XYLB: variants seen among roughly 807,000 people sequenced by gnomAD.
XYLB encodes xylulose kinase.
Under a neutral mutation model 78.7 loss-of-function variants are expected in XYLB, and 62 were observed. The ratio of observed to expected loss-of-function variants is 0.79; its 90% CI spans 0.64 to 0.97. The LOEUF is 0.97. Ranked by LOEUF, XYLB falls within the 50% of genes least tolerant of loss-of-function variation. XYLB has a pLI of 0.00. For synonymous variants in XYLB, 245 were observed against 247.4 expected, an observed-to-expected ratio of 0.99 and a Z score of 0.09; for missense variants, 687 against 676.8, an observed-to-expected ratio of 1.02 and a Z score of -0.17.
intron 18 of XYLB, among the ~76,000 whole-genome samples, chr3:38,404,632 C>T (rs10049137): frequency 1.8e-3 from 275 of 152,200 alleles, no homozygotes; most frequent in African/African-American, 6.5e-3. Flanking sequence ...GCCTGGCCAA[C>T]ATGGTGAAAC....
chr3:38,366,333 G>A (rs376374565), intron 6 of XYLB, among the ~76,000 whole-genome samples: 8 of 152,180 alleles, frequency 5.3e-5, no homozygotes, highest in East Asian at 1.9e-4. Context: ...AACAGTCACC[G>A]TGCTGTGTGA....
chr3:38,396,686 A>C (rs192346146), intron 16 of XYLB, among the ~76,000 whole-genome samples: 3 of 152,190 alleles, frequency 2.0e-5, no homozygotes, highest in African/African-American at 7.2e-5. Flanking sequence ...AAACTTCACC[A>C]TTATGCCCAT....
the XYLB span, among the ~76,000 whole-genome samples, chr3:38,441,823 C>G: frequency 6.6e-6 from 1 of 152,170 alleles, no homozygotes; most frequent in Non-Finnish European, 1.5e-5. Flanking sequence ...AGGTATGCCA[C>G]TAGTTGTAGG....
intron 9 of XYLB, among the ~76,000 whole-genome samples, chr3:38,370,632 T>G (rs2125592064): frequency 6.6e-6 from 1 of 152,248 alleles, no homozygotes; most frequent in East Asian, 1.9e-4. Flanking sequence ...CTTTGTGACT[T>G]TGTGTCTCGG....
chr3:38,431,904 T>G, the XYLB span, among the ~76,000 whole-genome samples: 1 of 152,064 alleles, frequency 6.6e-6, no homozygotes, highest in Non-Finnish European at 1.5e-5. Context: ...GATTTAATTA[T>G]CTCCACCTGG....
chr3:38,370,238 G>GTGCACACACACA (rs1440382804), intron 9 of XYLB, 64 bp downstream of exon 9: 17 of 326,728 alleles, frequency 5.2e-5, no homozygotes, highest in Middle Eastern at 1.3e-3. Flanking sequence ...AAGCACTGTA[G>GTGCACACACACA]CGCACACACA....
intron 8 of XYLB, among the ~76,000 whole-genome samples, chr3:38,369,409 C>G (rs906924367): frequency 6.6e-6 from 1 of 152,178 alleles, no homozygotes; most frequent in Non-Finnish European, 1.5e-5. Flanking sequence ...TTAGCCACAG[C>G]TGGGCCCTCC....
At chr3:38,439,138 G>A in the XYLB span, among the ~76,000 whole-genome samples, 1 of 152,302 alleles carries the variant, frequency 6.6e-6, no homozygotes, top group Non-Finnish European at 1.5e-5. Flanking sequence ...CCCAGCTGCT[G>A]TTGGAAATTG....
At chr3:38,346,973 G>A in intron 1 of XYLB, 48 bp downstream of exon 1, 2 of 1,406,390 alleles carry the variant, frequency 1.4e-6, no homozygotes, top group African/African-American at 1.5e-5. Context: ...CTCCGCTTCG[G>A]TGGGGGTAGG....
chr3:38,390,918 G>A (rs569142099), intron 15 of XYLB, among the ~76,000 whole-genome samples: 3 of 152,028 alleles, frequency 2.0e-5, no homozygotes, highest in African/African-American at 7.2e-5. Flanking sequence ...ATCAGCACTC[G>A]GGTTAAGAAA....
chr3:38,347,129 A>G (rs1310608258), intron 1 of XYLB, among the ~76,000 whole-genome samples: 1 of 152,020 alleles, frequency 6.6e-6, no homozygotes, highest in Non-Finnish European at 1.5e-5. Context: ...TGCCAATGCC[A>G]CCCGCTCGCA....
chr3:38,453,024 C>T, the XYLB span: 1 of 152,196 alleles, frequency 6.6e-6, no homozygotes, highest in African/African-American at 2.4e-5. Flanking sequence ...AGCCCCATCA[C>T]GTTCCTCCGA....
chr3:38,367,681 T>C (rs1706336277), intron 7 of XYLB, among the ~76,000 whole-genome samples: 1 of 152,144 alleles, frequency 6.6e-6, no homozygotes, highest in Non-Finnish European at 1.5e-5. Context: ...TACAGACCCT[T>C]AGGGTGGCAT....
intron 18 of XYLB, among the ~76,000 whole-genome samples, chr3:38,407,975 C>T (rs1159489076): frequency 3.3e-5 from 5 of 151,742 alleles, no homozygotes; most frequent in Middle Eastern, 3.4e-3. Flanking sequence ...GACAGAACAA[C>T]GAGACAGAAA....
the XYLB span, among the ~76,000 whole-genome samples, chr3:38,443,562 T>A: frequency 6.6e-6 from 1 of 152,202 alleles, no homozygotes; most frequent in African/African-American, 2.4e-5. Flanking sequence ...CTGTGCCCTT[T>A]CTCTGATTTC....
chr3:38,376,786 T>C, intron 13 of XYLB, 132 bp from the exon 14 acceptor site: 1 of 662,322 alleles, frequency 1.5e-6, no homozygotes, highest in Admixed American at 2.9e-5. Flanking sequence ...TATTCACAGG[T>C]CTCATCTGGG....
intron 18 of XYLB, among the ~76,000 whole-genome samples, chr3:38,409,690 C>A (rs932216255): frequency 5.3e-5 from 8 of 152,202 alleles, no homozygotes; most frequent in African/African-American, 1.2e-4. Flanking sequence ...TCAGCAAAGT[C>A]TCAGGATACA....
At chr3:38,437,361 A>G in the XYLB span, among the ~76,000 whole-genome samples, 1 of 152,194 alleles carries the variant, frequency 6.6e-6, no homozygotes, top group African/African-American at 2.4e-5. Flanking sequence ...GAACAAGACA[A>G]GTCACTTTTA....
At chr3:38,423,924 C>A (rs1256994573), downstream of XYLB, among the ~76,000 whole-genome samples, 2 of 152,142 alleles carry the variant, frequency 1.3e-5, no homozygotes, top group Non-Finnish European at 2.9e-5. Flanking sequence ...CAGAAAGTAA[C>A]CATACATAGG....
Sources: allele counts gnomAD v4.1 joint callset (sites outside exome capture counted in the v4.1 genomes callset), GRCh38; gene constraint gnomAD v4.1.1; transcripts MANE v1.5; gene names NCBI Gene and HGNC (gene_info 2026-07-23, HGNC 2026-07-21).